ARB2A: variants seen among roughly 807,000 people sequenced by gnomAD.
ARB2A encodes the protein ARB2 cotranscriptional regulator A.
the ARB2A span, among the ~76,000 whole-genome samples, chr5:93,975,878 T>C: frequency 6.6e-6 from 1 of 151,912 alleles, no homozygotes; most frequent in African/African-American, 2.4e-5. Context: ...ACCAATCCCA[T>C]TGAAACTATT....
chr5:93,693,296 T>C, the ARB2A span, among the ~76,000 whole-genome samples: 1 of 152,020 alleles, frequency 6.6e-6, no homozygotes, highest in East Asian at 1.9e-4. Flanking sequence ...ACAAAATAAA[T>C]AGACTGCTAG....
chr5:93,641,937 G>T, the ARB2A span, among the ~76,000 whole-genome samples: 72 of 152,258 alleles, frequency 4.7e-4, no homozygotes, highest in Non-Finnish European at 8.4e-4. Context: ...TCATTTGCCA[G>T]TTTATGGCTA....
chr5:93,659,618 C>T, the ARB2A span, among the ~76,000 whole-genome samples: 1 of 152,076 alleles, frequency 6.6e-6, no homozygotes, highest in Admixed American at 6.6e-5. Context: ...AAGTTAACAG[C>T]TCTAAAGAGA....
At chr5:94,091,384 T>G in the ARB2A span, among the ~76,000 whole-genome samples, 1 of 152,186 alleles carries the variant, frequency 6.6e-6, no homozygotes, top group Non-Finnish European at 1.5e-5. Flanking sequence ...CAACCACCTG[T>G]CAAATACTTA....
At chr5:93,789,210 T>C in the ARB2A span, among the ~76,000 whole-genome samples, 2 of 152,238 alleles carry the variant, frequency 1.3e-5, no homozygotes, top group East Asian at 3.8e-4. Context: ...GGTTACAGCA[T>C]GTGAATTACT....
the ARB2A span, among the ~76,000 whole-genome samples, chr5:94,080,908 CT>C: frequency 6.6e-6 from 1 of 152,044 alleles, no homozygotes; most frequent in Non-Finnish European, 1.5e-5. Flanking sequence ...TAACAATGTC[CT>C]TTTCTAACGG....
the ARB2A span, among the ~76,000 whole-genome samples, chr5:93,745,140 T>C: frequency 3.3e-5 from 5 of 152,338 alleles, no homozygotes; most frequent in East Asian, 9.7e-4. Flanking sequence ...CATAACCAAC[T>C]GCCATGATCC....
the ARB2A span, among the ~76,000 whole-genome samples, chr5:94,084,274 C>CAAAAAA: frequency 1.4e-5 from 1 of 73,096 alleles, no homozygotes; most frequent in East Asian, 3.7e-4. Flanking sequence ...AACTTCATCT[C>CAAAAAA]AAAAAAAAAA....
At chr5:93,752,308 T>A in the ARB2A span, among the ~76,000 whole-genome samples, 1 of 152,224 alleles carries the variant, frequency 6.6e-6, no homozygotes, top group Non-Finnish European at 1.5e-5. Flanking sequence ...CATGAAGCTA[T>A]TCCTATGGGG....
chr5:93,664,289 G>A, the ARB2A span, among the ~76,000 whole-genome samples: 1 of 151,940 alleles, frequency 6.6e-6, no homozygotes, highest in South Asian at 2.1e-4. Context: ...TTATGTTGGT[G>A]AGGCTGGTCT....
the ARB2A span, among the ~76,000 whole-genome samples, chr5:93,882,563 GA>G: frequency 7.3e-5 from 11 of 150,242 alleles, no homozygotes; most frequent in East Asian, 2.1e-3. Flanking sequence ...TTATAATTAA[GA>G]AAACGTTTGA....
At chr5:94,027,386 C>T in the ARB2A span, among the ~76,000 whole-genome samples, 1 of 152,134 alleles carries the variant, frequency 6.6e-6, no homozygotes, top group African/African-American at 2.4e-5. Context: ...GACTTTCATT[C>T]CCCACCCTCA....
chr5:94,011,128 T>C, the ARB2A span, among the ~76,000 whole-genome samples: 1 of 152,186 alleles, frequency 6.6e-6, no homozygotes, highest in African/African-American at 2.4e-5. Context: ...CTTCCTTTGT[T>C]AGATATCCTT....
the ARB2A span, among the ~76,000 whole-genome samples, chr5:93,921,683 T>C: frequency 6.6e-6 from 1 of 152,324 alleles, no homozygotes; most frequent in South Asian, 2.1e-4. Flanking sequence ...TCTACTGTTT[T>C]GTGCACATGC....
chr5:93,784,400 G>A, the ARB2A span: 10 of 1,612,848 alleles, frequency 6.2e-6, no homozygotes, highest in African/African-American at 1.3e-5. Context: ...ATCCATTCTC[G>A]AATCGTTTTG....
chr5:94,037,319 G>A, the ARB2A span, among the ~76,000 whole-genome samples: 1 of 152,106 alleles, frequency 6.6e-6, no homozygotes, highest in African/African-American at 2.4e-5. Context: ...GAAAGTAAAA[G>A]GAGTCTGCTA....
At chr5:93,928,601 G>C in the ARB2A span, among the ~76,000 whole-genome samples, 281 of 152,154 alleles carry the variant, frequency 1.8e-3, 1 homozygote, top group African/African-American at 6.5e-3. Context: ...CATCATAACA[G>C]ACTTATTTTT....
chr5:93,729,880 A>C, the ARB2A span, among the ~76,000 whole-genome samples: 1 of 152,150 alleles, frequency 6.6e-6, no homozygotes, highest in South Asian at 2.1e-4. Context: ...TAAAAAATCT[A>C]CACTTACATT....
chr5:93,717,432 C>T, the ARB2A span, among the ~76,000 whole-genome samples: 6 of 147,472 alleles, frequency 4.1e-5, no homozygotes, highest in African/African-American at 1.5e-4. Flanking sequence ...GAACTGTTAC[C>T]ACAGTTGCTT....
Sources: gnomAD v4.1 joint callset for allele counts (sites outside exome capture counted in the v4.1 genomes callset) on GRCh38, gnomAD v4.1.1 for gene constraint, MANE v1.5 for transcripts, NCBI Gene and HGNC (gene_info 2026-07-23, HGNC 2026-07-21) for gene names.